DRAXIN: variants seen among roughly 807,000 people sequenced by gnomAD.
DRAXIN encodes dorsal repulsive axon guidance protein.
DRAXIN carries 27 observed loss-of-function variants against 33.9 expected under a neutral mutation model. The observed-to-expected ratio is 0.80, with a 90% CI of 0.59 to 1.10. The LOEUF (loss-of-function observed/expected upper bound fraction) is 1.10, where lower values mean the gene tolerates loss of function less well. DRAXIN is among the 50% of genes least tolerant of loss of function. The probability of loss-of-function intolerance (pLI) is 0.00; values close to 1 mark genes in which losing one functional copy is unlikely to be tolerated. For missense variants in DRAXIN, 371 were observed against 460.8 expected (o/e 0.81, Z 1.78); for synonymous variants, 178 against 194.0 (o/e 0.92, Z 0.69).
rs571090120 is a variant in DRAXIN at position 11,704,304 on chromosome 1, G to T, written c.-10-1945G>T. Among the ~76,000 whole-genome samples the T allele has an allele frequency of 2.0e-5, 3 of 152,228 alleles. No individual in the cohort carries two copies. The highest frequency in any genetic ancestry group is 4.4e-5 in the Non-Finnish European group (3 of 68,042). ...CGGACATGGACGGGATCCCATATGC[G>T]CTTGGCCTTTCCAGTCACAAGGAGA... On this transcript the variant is annotated intron_variant, in intron 1 of 6. Coordinates refer to ENST00000294485, the MANE Select transcript of DRAXIN (RefSeq NM_198545.4). The surrounding 1 kb of genome is among the most constrained non-coding windows in gnomAD (Gnocchi z 4.6).
chr1:11,690,656 C>G (rs1045486675), upstream of DRAXIN, among the ~76,000 whole-genome samples: 5 of 152,306 alleles, frequency 3.3e-5, no homozygotes, highest in African/African-American at 1.2e-4. The surrounding 1 kb of genome is among the most constrained non-coding windows in gnomAD (Gnocchi z 4.2). Context: ...GAGCTCAGGG[C>G]GCCAGGTGGG....
chr1:11,709,180 C>G, intron 2 of DRAXIN, 95 bp from the exon 3 acceptor site: 4 of 1,303,752 alleles, frequency 3.1e-6, no homozygotes, highest in Middle Eastern at 2.5e-4. Flanking sequence ...GTGCCTGCTG[C>G]CTCCTAGTTT....
rs956194226 is a variant in DRAXIN at position 11,691,810 on chromosome 1, G to T, written c.-54G>T. 1 of 150,512 alleles carries T rather than the reference G, an allele frequency of 6.6e-6. No homozygotes were observed. Among genetic ancestry groups the T allele is most frequent in the Non-Finnish European group, 1.5e-5 (1 of 67,548 alleles). The allele number at this position is 150,512 out of a possible 1,614,324, so 9.3% of individuals were successfully genotyped here. On this transcript the variant is annotated 5_prime_UTR_variant, in exon 1 of 7. Coordinates refer to ENST00000294485, the MANE Select transcript of DRAXIN (RefSeq NM_198545.4). ...TCGGCTGCGCTCGGCTCCCGCGGGC[G>T]CTCGGCCCCGAGCCCCTCCTCCCCC...
rs374286712 is a variant in DRAXIN at position 11,696,569 on chromosome 1, A to G, written c.-11+4716A>G. On this transcript the variant is annotated intron_variant, in intron 1 of 6. Coordinates refer to ENST00000294485, the MANE Select transcript of DRAXIN (RefSeq NM_198545.4). This position sits in a 1 kb window ranked among gnomAD's most constrained non-coding sequence, Gnocchi z 4.7. Reference sequence around the variant, plus strand: ...CCATCGCACTCCAGCCTGGGCAACAAGAGCAAAAATCTGTCTCAAAAAAAC... The same window carrying G: ...CCATCGCACTCCAGCCTGGGCAACAGGAGCAAAAATCTGTCTCAAAAAAAC... 2.7e-5 allele frequency among the ~76,000 whole-genome samples: 4 copies of G among 146,994 alleles called. No individual in the cohort carries two copies. The highest frequency in any genetic ancestry group is 4.4e-4 in the South Asian group (2 of 4,590).
intron 5 of DRAXIN, among the ~76,000 whole-genome samples, chr1:11,714,794 A>C (rs570877383): frequency 6.6e-6 from 1 of 152,314 alleles, no homozygotes; most frequent in East Asian, 1.9e-4. Context: ...GGCCCCTCCC[A>C]GCTCTGAGCT....
At chr1:11,695,704 C>A (rs539200100) in intron 1 of DRAXIN, among the ~76,000 whole-genome samples, 18 of 151,992 alleles carry the variant, frequency 1.2e-4, no homozygotes, top group Non-Finnish European at 1.9e-4. Flanking sequence ...GATACCCAAA[C>A]AAACACAGAG....
chr1:11,713,589 G>C (rs1183784322), intron 5 of DRAXIN, among the ~76,000 whole-genome samples: 1 of 152,114 alleles, frequency 6.6e-6, no homozygotes, highest in Non-Finnish European at 1.5e-5. Context: ...CAGATACTGA[G>C]GTAAGTTAGA....
chr1:11,717,657 G>A lies in DRAXIN; in HGVS notation c.938-1927G>A, dbSNP rs1345343025. Among the ~76,000 whole-genome samples, 97 of 93,702 alleles carry A rather than the reference G, an allele frequency of 1.0e-3. 1 individual carries two copies. The South Asian group carries it at 0.02, about 20-fold the overall frequency. 61.5% of individuals were successfully genotyped at this position (93,702 alleles called of 152,430 possible). On this transcript the variant is annotated intron_variant, in intron 6 of 6. Transcript: ENST00000294485. ...AGCCTGGGCAACAGAGAGAGACTCC[G>A]TCTCAAAAAAAAAAAAAGAAAGGGT...
chr1:11,710,410 G>A (rs1404627044), intron 3 of DRAXIN, among the ~76,000 whole-genome samples: 2 of 151,900 alleles, frequency 1.3e-5, no homozygotes, highest in African/African-American at 2.4e-5. Flanking sequence ...CAGGAGGATC[G>A]CTTGAACCCA....
At position 11,719,601 on chromosome 1, in the gene DRAXIN, A is replaced by G; in HGVS notation, c.955A>G (p.Lys319Glu). The G allele has an allele frequency of 6.2e-7, 1 of 1,613,348 alleles. No individual in the cohort carries two copies. Among genetic ancestry groups the G allele is most frequent in the East Asian group, 2.2e-5 (1 of 44,866 alleles). Residue 319 changes from lysine to glutamate, a missense_variant, in exon 7 of 7, where the codon AAA (lysine) becomes GAA (glutamate). Lys to Glu is a moderately conservative substitution (Grantham distance 56). Transcript: ENST00000294485. ...MCVEGLRCYAKFHRNRRVTRR... is the reference protein window; with the variant it reads ...MCVEGLRCYAEFHRNRRVTRR... Reference sequence around the variant, plus strand: ...TCGCCCAGGGCTGCGCTGCTATGCCAAATTCCACCGGAACCGCAGGGTTAC... The same window carrying G: ...TCGCCCAGGGCTGCGCTGCTATGCCGAATTCCACCGGAACCGCAGGGTTAC...
upstream of DRAXIN, among the ~76,000 whole-genome samples, chr1:11,688,027 G>A (rs1259071066): frequency 6.6e-6 from 1 of 152,068 alleles, no homozygotes; most frequent in Admixed American, 6.6e-5. This position sits in a 1 kb window ranked among gnomAD's most constrained non-coding sequence, Gnocchi z 4.6. Flanking sequence ...CAAGCACATC[G>A]GAAGATCACC....
rs1641557880 is a variant in DRAXIN at position 11,715,222 on chromosome 1, C to G, written c.937+14C>G. On this transcript the variant is annotated intron_variant, in intron 6 of 6. Coordinates refer to ENST00000294485, the MANE Select transcript of DRAXIN (RefSeq NM_198545.4). Reference sequence around the variant, plus strand: ...TGTGTGTGGAAGGTGGGTCCAGACTCCTTTGCGGGGGGCTACCCATGCTCT... The same window carrying G: ...TGTGTGTGGAAGGTGGGTCCAGACTGCTTTGCGGGGGGCTACCCATGCTCT... 8 of 1,614,198 alleles carry G rather than the reference C, an allele frequency of 5.0e-6. No individual in the cohort carries two copies.
intron 6 of DRAXIN, among the ~76,000 whole-genome samples, chr1:11,716,488 A>C (rs1287464222): frequency 6.6e-6 from 1 of 152,208 alleles, no homozygotes; most frequent in Non-Finnish European, 1.5e-5. Flanking sequence ...GGATGGGGGA[A>C]TTGGGGCTCA....
In DRAXIN at chr1:11,704,935, C is replaced by G. The variant is rs532804021; in HGVS notation, c.-10-1314C>G. Among the ~76,000 whole-genome samples the G allele has an allele frequency of 1.3e-5, 2 of 152,310 alleles. No individual in the cohort carries two copies. Among genetic ancestry groups the G allele is most frequent in the Non-Finnish European group, 1.5e-5 (1 of 68,018 alleles). On this transcript the variant is annotated intron_variant, in intron 1 of 6. Transcript: ENST00000294485. This position sits in a 1 kb window ranked among gnomAD's most constrained non-coding sequence, Gnocchi z 4.6. ...GCGAGGCTGGAGAAGGTGTTTCCCC[C>G]CTCCCCTCCACGAGTGCGTGGTCAG...
At chr1:11,719,370 C>A (rs1641625560) in intron 6 of DRAXIN, among the ~76,000 whole-genome samples, 1 of 152,246 alleles carries the variant, frequency 6.6e-6, no homozygotes, top group East Asian at 1.9e-4. Flanking sequence ...CCGCCCCGAC[C>A]GCCCTGAGTC....
At chr1:11,709,961 C>G (rs1451105060) in intron 3 of DRAXIN, among the ~76,000 whole-genome samples, 1 of 151,836 alleles carries the variant, frequency 6.6e-6, no homozygotes, top group East Asian at 1.9e-4. Context: ...CCAAGGTGGG[C>G]AGATCACGAG....
chr1:11,700,701 T>G (rs980064470), intron 1 of DRAXIN, among the ~76,000 whole-genome samples: 2 of 152,212 alleles, frequency 1.3e-5, no homozygotes, highest in African/African-American at 4.8e-5. Context: ...GCTGATGGGC[T>G]CCGGTTCTCC....
rs776598528 is a variant in DRAXIN at position 11,709,302 on chromosome 1, C to G, written c.479C>G (p.Ser160Cys). The change falls in exon 3 of 7, where the codon TCC becomes TGC. Residue 160 changes from serine to cysteine, a missense_variant. Physicochemically the swap from Ser to Cys is moderately radical, Grantham distance 112 (BLOSUM62 -1). Coordinates refer to ENST00000294485, the MANE Select transcript of DRAXIN (RefSeq NM_198545.4). ...QGRALVRGPS[S>C]LMKKAELSEA... ...CGAGCCTTGGTCCGAGGTCCCAGCT[C>G]CCTGATGAAGAAGGCAGAGCTCTCC... 1 of 1,613,522 alleles carries G rather than the reference C, an allele frequency of 6.2e-7. No individual in the cohort carries two copies. The highest frequency in any genetic ancestry group is 2.2e-5 in the East Asian group (1 of 44,860).
chr1:11,706,369 C>T lies in DRAXIN; in HGVS notation c.111C>T (p.Leu37=), dbSNP rs1641380451. 6.2e-7 allele frequency: 1 copy of T among 1,613,868 alleles called. No individual in the cohort carries two copies. Among genetic ancestry groups the T allele is most frequent in the East Asian group, 2.2e-5 (1 of 44,876 alleles). ...ALAPGTPARN[L]PENHIDLPGP... ...CACCTGGGACCCCTGCCCGGAACCT[C>T]CCTGAGAATCACATTGACCTCCCAG... Residue 37 remains leucine (L), a synonymous_variant, in exon 2 of 7, where the codon CTC becomes CTT. Transcript: ENST00000294485. The surrounding 1 kb of genome is among the most constrained non-coding windows in gnomAD (Gnocchi z 5.5).
Sources: gnomAD v4.1 joint callset for allele counts (sites outside exome capture counted in the v4.1 genomes callset) on GRCh38, gnomAD v4.1.1 for gene constraint, Gnocchi (gnomAD v3.1) non-coding constraint, MANE v1.5 for transcripts, NCBI Gene and HGNC (gene_info 2026-07-23, HGNC 2026-07-21) for gene names.